The following XPNPEP2 variants were observed in gnomAD, a reference collection of about 807,000 sequenced individuals.
XPNPEP2 encodes xaa-Pro aminopeptidase 2.
XPNPEP2 carries 64 observed loss-of-function variants against 59.8 expected under a neutral mutation model. That is an observed-to-expected ratio of 1.07 (90% CI 0.87 to 1.32). The LOEUF is 1.32. Ranked by LOEUF, XPNPEP2 falls within the 40% of genes most tolerant of loss-of-function variation. XPNPEP2 has a pLI of 0.00. For synonymous variants in XPNPEP2, 235 were observed against 210.0 expected, an observed-to-expected ratio of 1.12 and a Z score of -1.03; for missense variants, 575 against 546.8, an observed-to-expected ratio of 1.05 and a Z score of -0.51.
At chrX:129,745,154 G>T (rs934036434) in intron 3 of XPNPEP2, 49 bp from the exon 4 acceptor site, 1 of 1,197,530 alleles carries the variant, frequency 8.4e-7, no homozygotes, top group Non-Finnish European at 1.1e-6. Context: ...CTTTCATGTG[G>T]GATCTGATAC....
intron 9 of XPNPEP2, 143 bp from the exon 10 acceptor site, chrX:129,752,007 C>T (rs1926429205): frequency 1.2e-6 from 1 of 820,364 alleles, no homozygotes; most frequent in African/African-American, 2.1e-5. Context: ...ACCTCTGTCC[C>T]TATTGAATCC....
chrX:129,767,654 C>T lies in XPNPEP2; in HGVS notation c.1792C>T (p.Arg598Trp), dbSNP rs756030488. 1.5e-5 allele frequency: 18 copies of T among 1,209,723 alleles called. No homozygotes were observed. Among genetic ancestry groups the T allele is most frequent in the Middle Eastern group, 4.6e-4 (2 of 4,372 alleles). The part of the protein sequence containing the change: ...FEVVSFVPYD[R>W]NLIDVSLLSP... ...AGTGGTATCATTTGTGCCCTATGAC[C>T]GGAACCTCATCGATGTCAGCCTGCT... is the stretch of plus-strand genomic sequence containing the variant. The change falls in exon 20 of 21, where the codon CGG becomes TGG. Residue 598 changes from arginine to tryptophan, a missense_variant. Physicochemically the swap from Arg to Trp is moderately radical, Grantham distance 101. Coordinates refer to ENST00000371106, the MANE Select transcript of XPNPEP2 (RefSeq NM_003399.6).
chrX:129,741,845 A>G (rs1180511220), intron 1 of XPNPEP2, among the ~76,000 whole-genome samples: 2 of 112,752 alleles, frequency 1.8e-5, no homozygotes, highest in Non-Finnish European at 3.7e-5. Context: ...TAGAAGAAAA[A>G]TTGATTTAAT....
chrX:129,765,487 T>C (rs923642578), intron 19 of XPNPEP2, among the ~76,000 whole-genome samples: 1 of 111,366 alleles, frequency 9.0e-6, no homozygotes, highest in African/African-American at 3.3e-5. Context: ...CAATTGTACT[T>C]TCTCCAACAG....
intron 7 of XPNPEP2, among the ~76,000 whole-genome samples, chrX:129,748,780 AG>A (rs1366663798): frequency 8.9e-6 from 1 of 111,761 alleles, no homozygotes; most frequent in African/African-American, 3.3e-5. Context: ...TATGTCGGGA[AG>A]GGGAAGGGAA....
intron 20 of XPNPEP2, 139 bp downstream of exon 20, chrX:129,767,831 C>A (rs1258062493): frequency 1.6e-6 from 1 of 610,938 alleles, no homozygotes; most frequent in Non-Finnish European, 2.7e-6. Context: ...CTGGGGCATT[C>A]CTCCCCAGCT....
At chrX:129,744,685 T>G (rs977293059) in intron 3 of XPNPEP2, among the ~76,000 whole-genome samples, 31 of 112,402 alleles carry the variant, frequency 2.8e-4, no homozygotes, top group Non-Finnish European at 1.9e-4. Context: ...GTATCTGAAC[T>G]TCCCTGAGCC....
chrX:129,768,656 A>G lies in XPNPEP2; in HGVS notation c.*171A>G, dbSNP rs780703556. On this transcript the variant is annotated 3_prime_UTR_variant, in exon 21 of 21. Coordinates refer to ENST00000371106, the MANE Select transcript of XPNPEP2 (RefSeq NM_003399.6). ...ATGGAGAAGGTCCCAGGCCCCAGGA[A>G]CACAGGGCTTCTTGGCCCCAGATGG... is the stretch of plus-strand genomic sequence containing the variant. 3.9e-5 allele frequency: 16 copies of G among 405,642 alleles called. No individual in the cohort carries two copies. In the East Asian group the frequency reaches 7.1e-4, roughly 18 times the overall value. 33.4% of individuals were successfully genotyped at this position (405,642 alleles called of 1,213,427 possible).
At chrX:129,740,658 C>T (rs752103869) in intron 1 of XPNPEP2, among the ~76,000 whole-genome samples, 7 of 96,955 alleles carry the variant, frequency 7.2e-5, no homozygotes, top group South Asian at 4.7e-4. Context: ...GCGCGGGGGG[C>T]GTTGGGCGCA....
At position 129,743,713 on chromosome X, in the gene XPNPEP2, C is replaced by A. The variant is rs1293253201; in HGVS notation, c.124-248C>A. Among the ~76,000 whole-genome samples, 3 of 111,547 alleles carry A rather than the reference C, an allele frequency of 2.7e-5. No homozygotes were observed. In the East Asian group the frequency reaches 8.5e-4, roughly 31 times the overall value. ...CCAGACTCAGGTCCCATTACTGTCA[C>A]AAGGGGTCCCTTTCCAAACTCTCCA... On this transcript the variant is annotated intron_variant, in intron 2 of 20. Transcript: ENST00000371106.
chrX:129,739,126 G>A lies in XPNPEP2; in HGVS notation c.-88G>A, dbSNP rs1926124594. ...CCCACCCTCTGTCTGCTCGAGCCCA[G>A]GAAAGGCCTGAAGGAAGAGGCCGGG... is the stretch of plus-strand genomic sequence containing the variant. On this transcript the variant is annotated 5_prime_UTR_variant, in exon 1 of 21. Coordinates refer to ENST00000371106, the MANE Select transcript of XPNPEP2 (RefSeq NM_003399.6). 1 of 1,015,374 alleles carries A rather than the reference G, an allele frequency of 9.8e-7. No individual in the cohort carries two copies. The highest frequency in any genetic ancestry group is 1.9e-5 in the African/African-American group (1 of 53,541). 83.7% of individuals were successfully genotyped at this position (1,015,374 alleles called of 1,213,427 possible).
Position 129,768,366 on chromosome X carries a change from G to T in XPNPEP2, c.1906G>T (p.Glu636Ter). The change falls in exon 21 of 21, where the codon GAG becomes TAG. Residue 636 changes from glutamate (E) to a stop codon, truncating the protein, a stop_gained. Transcript: ENST00000371106. LOFTEE classifies it low-confidence loss of function (END_TRUNC). ...AGAGCTGCAGAGGCGCCAGCTACTAGAGGAGTTCGAGTGGCTTCAACAGCA... is the reference window on the plus strand; with the variant it reads ...AGAGCTGCAGAGGCGCCAGCTACTATAGGAGTTCGAGTGGCTTCAACAGCA... Reference protein sequence around the residue: ...GPELQRRQLLEEFEWLQQHTE... With the variant: ...GPELQRRQLL 8.3e-7 allele frequency: 1 copy of T among 1,210,026 alleles called. No individual in the cohort carries two copies. Among genetic ancestry groups the T allele is most frequent in the Non-Finnish European group, 1.1e-6 (1 of 894,759 alleles).
intron 19 of XPNPEP2, among the ~76,000 whole-genome samples, chrX:129,766,909 CTG>C (rs1926760967): frequency 9.0e-6 from 1 of 111,368 alleles, no homozygotes; most frequent in Non-Finnish European, 1.9e-5. Context: ...GCAGGGAAAA[CTG>C]TCTTATAAAA....
At chrX:129,753,412 G>A (rs547950179) in intron 11 of XPNPEP2, among the ~76,000 whole-genome samples, 164 bp downstream of exon 11, 2 of 112,089 alleles carry the variant, frequency 1.8e-5, no homozygotes, top group South Asian at 3.7e-4. Context: ...GGAGGCCAAG[G>A]TGAGAGGATT....
In XPNPEP2 at chrX:129,757,873, AAGAG is replaced by A. The variant is rs200174393; in HGVS notation, c.1368-1287_1368-1284del. Reference sequence around the variant, plus strand: ...AAAGAAAGAAAGAGGGAGAGAGAGAAAGAGAGAGAGAGAGAGAGAGAGAAAGAAA... The same window carrying A: ...AAAGAAAGAAAGAGGGAGAGAGAGAAAGAGAGAGAGAGAGAGAGAAAGAAA... On this transcript the variant is annotated intron_variant, in intron 14 of 20. Coordinates refer to ENST00000371106, the MANE Select transcript of XPNPEP2 (RefSeq NM_003399.6). 3.0e-3 allele frequency among the ~76,000 whole-genome samples: 197 copies of A among 66,734 alleles called. 1 individual carries two copies. The highest frequency in any genetic ancestry group is 0.012 in the Admixed American group (70 of 5,779). 58.0% of individuals were successfully genotyped at this position (66,734 alleles called of 115,157 possible).
intron 14 of XPNPEP2, among the ~76,000 whole-genome samples, chrX:129,758,658 C>CATGGCCTCA (rs1367385806): frequency 8.9e-6 from 1 of 112,300 alleles, no homozygotes; most frequent in East Asian, 2.8e-4. Flanking sequence ...GAAACAGCCG[C>CATGGCCTCA]ATGGCCTCAA....
At chrX:129,763,335 T>C (rs1926690603) in intron 19 of XPNPEP2, among the ~76,000 whole-genome samples, 1 of 112,223 alleles carries the variant, frequency 8.9e-6, no homozygotes, top group African/African-American at 3.2e-5. Flanking sequence ...AGTTTATTTG[T>C]AAAAATAAAC....
chrX:129,760,586 G>A lies in XPNPEP2; in HGVS notation c.1498+5G>A. Reference sequence around the variant, plus strand: ...TCTTTCCCGCTGCTACATCAGGTGGGTTTCAGAAACCAGTCTGGACACAGC... The same window carrying A: ...TCTTTCCCGCTGCTACATCAGGTGGATTTCAGAAACCAGTCTGGACACAGC... On this transcript the variant is annotated splice_donor_5th_base_variant and intron_variant, in intron 16 of 20. Coordinates refer to ENST00000371106, the MANE Select transcript of XPNPEP2 (RefSeq NM_003399.6). 1 of 1,211,085 alleles carries A rather than the reference G, an allele frequency of 8.3e-7. No homozygotes were observed. Among genetic ancestry groups the A allele is most frequent in the Non-Finnish European group, 1.1e-6 (1 of 894,709 alleles).
At chrX:129,745,136 T>C in intron 3 of XPNPEP2, 67 bp from the exon 4 acceptor site, 1 of 1,155,322 alleles carries the variant, frequency 8.7e-7, no homozygotes. Context: ...TGGGATGTGG[T>C]TGGGGGCCTT....
Sources: allele counts gnomAD v4.1 joint callset (sites outside exome capture counted in the v4.1 genomes callset), GRCh38; gene constraint gnomAD v4.1.1; transcripts MANE v1.5; gene names NCBI Gene and HGNC (gene_info 2026-07-23, HGNC 2026-07-21).